The following AGAP1 variants were observed in gnomAD, a reference collection of about 807,000 sequenced individuals.
AGAP1 encodes ArfGAP with GTPase domain, ankyrin repeat and PH domain 1, also known as arf-GAP with GTPase, ANK repeat and PH domain-containing protein 1.
Under a neutral mutation model 105.3 loss-of-function variants are expected in AGAP1, and 29 were observed. The observed-to-expected ratio is 0.28, with a 90% CI of 0.21 to 0.38. The LOEUF is 0.38. AGAP1 is among the 10% of genes least tolerant of loss of function. AGAP1 has a pLI of 1.00. For synonymous variants in AGAP1, 509 were observed against 485.9 expected (o/e 1.05, Z -0.63); for missense variants, 998 against 1,165.1 (o/e 0.86, Z 2.09).
rs1052862055 is a variant in AGAP1, at chr2:235,769,066, G to A, written c.673+18578G>A. ...ATAAATGAGTGAAAATTATTCAACT[G>A]GATTAGAAATTGCCAGCCTTGGATC... On this transcript the variant is annotated intron_variant, in intron 6 of 17. Transcript: ENST00000304032. This position sits in a 1 kb window ranked among gnomAD's most constrained non-coding sequence, Gnocchi z 4.4. 6.6e-6 allele frequency among the ~76,000 whole-genome samples: 1 copy of A among 152,166 alleles called. No homozygotes were observed.
In AGAP1 at chr2:235,513,135, A is replaced by G. The variant is rs147443618; in HGVS notation, c.163+18286A>G. Among the ~76,000 whole-genome samples the G allele has an allele frequency of 5.6e-4, 86 of 152,250 alleles. 2 individuals are homozygous for G. The East Asian group carries it at 0.016, about 28-fold the overall frequency. ...GCTTCTCTAGCTTTTTCTTGCTGCT[A>G]AATGGTCTTAAAGGTTTGAGATCAG... On this transcript the variant is annotated intron_variant, in intron 1 of 17. Coordinates refer to ENST00000304032, the MANE Select transcript of AGAP1 (RefSeq NM_001037131.3).
intron 1 of AGAP1, chr2:235,670,983 A>G (rs1948382560): frequency 7.5e-7 from 1 of 1,324,762 alleles, no homozygotes; most frequent in Non-Finnish European, 9.6e-7. Context: ...CCACGCGGCT[A>G]CTTCAGCCTG....
At chr2:235,598,284 A>G (rs1317145367) in intron 1 of AGAP1, among the ~76,000 whole-genome samples, 1 of 152,190 alleles carries the variant, frequency 6.6e-6, no homozygotes, top group Non-Finnish European at 1.5e-5. Flanking sequence ...CTGCTGGGAC[A>G]GGCTCCCACC....
At chr2:235,594,951 G>C (rs1945475904) in intron 1 of AGAP1, among the ~76,000 whole-genome samples, 1 of 135,818 alleles carries the variant, frequency 7.4e-6, no homozygotes, top group Non-Finnish European at 1.5e-5. Flanking sequence ...AGTTTCATCT[G>C]CTGCTATCTA....
intron 6 of AGAP1, among the ~76,000 whole-genome samples, chr2:235,766,713 A>T (rs896328798): frequency 1.3e-5 from 2 of 152,180 alleles, no homozygotes; most frequent in African/African-American, 4.8e-5. Flanking sequence ...CAGAAGAATC[A>T]AAGAAAAGTT....
At chr2:235,860,177 CA>C (rs1420062236) in intron 9 of AGAP1, among the ~76,000 whole-genome samples, 1 of 152,034 alleles carries the variant, frequency 6.6e-6, no homozygotes, top group Non-Finnish European at 1.5e-5. Context: ...TGTCAAGCAA[CA>C]AAGGAAAGGG....
In AGAP1 at chr2:235,691,905, G is replaced by A. The variant is rs1032406482; in HGVS notation, c.164-17274G>A. 6.6e-6 allele frequency among the ~76,000 whole-genome samples: 1 copy of A among 152,156 alleles called. No individual in the cohort carries two copies. The highest frequency in any genetic ancestry group is 1.5e-5 in the Non-Finnish European group (1 of 68,030). ...GAGGCAAGGCAGGGATGCAAAATCG[G>A]AGTTCCTAGTAGAAACAGACATGCA... On this transcript the variant is annotated intron_variant, in intron 1 of 17. Transcript: ENST00000304032. The surrounding 1 kb of genome is among the most constrained non-coding windows in gnomAD (Gnocchi z 4.4).
intron 6 of AGAP1, among the ~76,000 whole-genome samples, chr2:235,757,379 T>C (rs142647333): frequency 1.4e-5 from 2 of 138,158 alleles, no homozygotes; most frequent in African/African-American, 7.0e-5. Context: ...CAGGTGCTAG[T>C]GCTCCCGGGC....
chr2:235,784,598 C>CAAA (rs71400786), intron 6 of AGAP1, among the ~76,000 whole-genome samples: 62 of 124,404 alleles, frequency 5.0e-4, no homozygotes, highest in South Asian at 1.3e-3. Context: ...CTTATTAAAG[C>CAAA]AAAAAAAAAA....
chr2:235,506,338 G>A (rs1315713283), intron 1 of AGAP1, among the ~76,000 whole-genome samples: 3 of 152,272 alleles, frequency 2.0e-5, no homozygotes, highest in East Asian at 1.9e-4. Context: ...AGGCCGAAGT[G>A]GGAGGATTGC....
At chr2:235,857,297 C>T (rs1428173163) in intron 9 of AGAP1, among the ~76,000 whole-genome samples, 1 of 152,102 alleles carries the variant, frequency 6.6e-6, no homozygotes, top group African/African-American at 2.4e-5. Context: ...ATCTAGTGCC[C>T]GATGATCTAA....
chr2:235,625,348 A>G lies in AGAP1; in HGVS notation c.164-83831A>G, dbSNP rs746947451. On this transcript the variant is annotated intron_variant, in intron 1 of 17. Coordinates refer to ENST00000304032, the MANE Select transcript of AGAP1 (RefSeq NM_001037131.3). This position sits in a 1 kb window ranked among gnomAD's most constrained non-coding sequence, Gnocchi z 4.0. The stretch of plus-strand genomic sequence containing the variant: ...CTGGAGGAGGTGTGAAGACCTGCGC[A>G]TGTGGACAGTTTGAAAGCCTAGCTG... Among the ~76,000 whole-genome samples, 6 of 152,212 alleles carry G rather than the reference A, an allele frequency of 3.9e-5. No homozygotes were observed. The highest frequency in any genetic ancestry group is 8.8e-5 in the Non-Finnish European group (6 of 68,038).
intron 13 of AGAP1, among the ~76,000 whole-genome samples, chr2:236,006,441 G>A (rs73121813): frequency 0.027 from 4,156 of 152,292 alleles, 210 homozygotes; most frequent in African/African-American, 0.095. Context: ...AGTAAAGAAC[G>A]AAATGTGTGT....
chr2:235,814,626 A>G (rs1018380253), intron 9 of AGAP1, among the ~76,000 whole-genome samples: 6 of 152,098 alleles, frequency 3.9e-5, no homozygotes, highest in East Asian at 1.9e-4. Context: ...ATGACCCCCA[A>G]TGCAAGTGGA....
At position 236,051,302 on chromosome 2, in the gene AGAP1, A is replaced by T. The variant is rs1488128348; in HGVS notation, c.2114+2021A>T. On this transcript the variant is annotated intron_variant, in intron 16 of 17. Transcript: ENST00000304032. This position sits in a 1 kb window ranked among gnomAD's most constrained non-coding sequence, Gnocchi z 5.9. ...TTGTTTTCAGTGAAAATCAGCAAAT[A>T]ATCATTGCACACTTTCTCGTAGAAA... 6.6e-6 allele frequency among the ~76,000 whole-genome samples: 1 copy of T among 152,244 alleles called. No individual in the cohort carries two copies. The highest frequency in any genetic ancestry group is 1.9e-4 in the East Asian group (1 of 5,202).
chr2:235,687,472 C>T (rs1053538273), intron 1 of AGAP1, among the ~76,000 whole-genome samples: 10 of 152,024 alleles, frequency 6.6e-5, no homozygotes, highest in East Asian at 3.9e-4. Flanking sequence ...GGTGACAGTC[C>T]GATATGTGTA....
At position 235,799,335 on chromosome 2, in the gene AGAP1, G is replaced by A. The variant is rs372555700; in HGVS notation, c.802-32G>A. ...GAGGTCTTGGGTTCCTGAGTATGTCGTTAATGAAACCTTGGATTTTAATCA... is the reference window on the plus strand; with the variant it reads ...GAGGTCTTGGGTTCCTGAGTATGTCATTAATGAAACCTTGGATTTTAATCA... On this transcript the variant is annotated intron_variant, in intron 7 of 17. Coordinates refer to ENST00000304032, the MANE Select transcript of AGAP1 (RefSeq NM_001037131.3). This position sits in a 1 kb window ranked among gnomAD's most constrained non-coding sequence, Gnocchi z 5.0. 56 of 1,606,928 alleles carry A rather than the reference G, an allele frequency of 3.5e-5. 1 individual carries two copies. The highest frequency in any genetic ancestry group is 8.9e-5 in the East Asian group (4 of 44,838).
chr2:236,060,093 AACACAC>A (rs370048554), intron 16 of AGAP1, among the ~76,000 whole-genome samples: 6 of 151,568 alleles, frequency 4.0e-5, no homozygotes, highest in Non-Finnish European at 4.4e-5. Context: ...TTCGTCTCAA[AACACAC>A]ACACACACAC....
Position 235,692,216 on chromosome 2 carries a change from T to C in AGAP1, c.164-16963T>C, listed in dbSNP as rs1038617956. On this transcript the variant is annotated intron_variant, in intron 1 of 17. Coordinates refer to ENST00000304032, the MANE Select transcript of AGAP1 (RefSeq NM_001037131.3). The surrounding 1 kb of genome is among the most constrained non-coding windows in gnomAD (Gnocchi z 5.8). Reference sequence around the variant, plus strand: ...CTGGCCAGGTCTCGTCGTGTCTAGGTGGTGACAGCCATGTAGATATGCCCG... The same window carrying C: ...CTGGCCAGGTCTCGTCGTGTCTAGGCGGTGACAGCCATGTAGATATGCCCG... Among the ~76,000 whole-genome samples the C allele has an allele frequency of 6.6e-6, 1 of 152,040 alleles. No homozygotes were observed. Among genetic ancestry groups the C allele is most frequent in the Non-Finnish European group, 1.5e-5 (1 of 68,002 alleles).
Sources: gnomAD v4.1 joint callset for allele counts (sites outside exome capture counted in the v4.1 genomes callset) on GRCh38, gnomAD v4.1.1 for gene constraint, Gnocchi (gnomAD v3.1) non-coding constraint, MANE v1.5 for transcripts, NCBI Gene and HGNC (gene_info 2026-07-23, HGNC 2026-07-21) for gene names.